Variants in KCNH1 observed in about 807,000 individuals in gnomAD.
KCNH1 encodes potassium voltage-gated channel subfamily H member 1.
KCNH1 carries 27 observed loss-of-function variants against 69.2 expected under a neutral mutation model. The observed-to-expected ratio is 0.39, with a 90% CI of 0.29 to 0.54. KCNH1 has a LOEUF of 0.54. KCNH1 is among the 20% of genes least tolerant of loss of function. The probability of loss-of-function intolerance (pLI) is 0.68; values close to 1 mark genes in which losing one functional copy is unlikely to be tolerated. For synonymous variants in KCNH1, 456 were observed against 487.7 expected, an observed-to-expected ratio of 0.93 and a Z score of 0.86; for missense variants, 798 against 1,261.6, an observed-to-expected ratio of 0.63 and a Z score of 5.57.
At chr1:211,048,534 A>G (rs933547740) in intron 5 of KCNH1, among the ~76,000 whole-genome samples, 1 of 152,166 alleles carries the variant, frequency 6.6e-6, no homozygotes, top group Non-Finnish European at 1.5e-5. Flanking sequence ...ACCAAATAAC[A>G]GCATTTGCAG....
At position 210,760,387 on chromosome 1, in the gene KCNH1, T is replaced by A. The variant is rs140637790; in HGVS notation, c.2112+14961A>T. ...CCAGCCAGAAGAGATTGGGGACCAT[T>A]TTTGGCATTCTTGAAAAGATAAGCC... On this transcript the variant is annotated intron_variant, in intron 10 of 10. Coordinates refer to ENST00000271751, the MANE Select transcript of KCNH1 (RefSeq NM_172362.3). 5.5e-3 allele frequency among the ~76,000 whole-genome samples: 843 copies of A among 152,298 alleles called. 28 individuals are homozygous for A. Among genetic ancestry groups the A allele is most frequent in the Admixed American group, 0.043 (655 of 15,294 alleles).
At chr1:211,059,279 CA>C (rs111505454) in intron 5 of KCNH1, among the ~76,000 whole-genome samples, 2,893 of 90,606 alleles carry the variant, frequency 0.032, 71 homozygotes, top group African/African-American at 0.099. Context: ...GACTCCATCT[CA>C]AAAAAAAAAA....
At chr1:210,960,983 ATAAC>A (rs1334440497) in intron 6 of KCNH1, among the ~76,000 whole-genome samples, 2 of 152,148 alleles carry the variant, frequency 1.3e-5, no homozygotes, top group African/African-American at 4.8e-5. Context: ...TCATTTCTTG[ATAAC>A]TAATTGATGC....
intron 10 of KCNH1, among the ~76,000 whole-genome samples, chr1:210,744,676 C>T (rs1683107539): frequency 6.6e-6 from 1 of 151,964 alleles, no homozygotes; most frequent in Admixed American, 6.6e-5. Context: ...AAAAAAAACC[C>T]CACAGGTTGT....
intron 10 of KCNH1, among the ~76,000 whole-genome samples, chr1:210,688,205 G>A (rs1371159076): frequency 2.6e-5 from 4 of 152,108 alleles, no homozygotes; most frequent in Non-Finnish European, 4.4e-5. Context: ...AAAGAACCCC[G>A]TCTGGAAAAC....
chr1:210,909,756 C>G (rs1687188267), intron 7 of KCNH1, among the ~76,000 whole-genome samples: 1 of 152,182 alleles, frequency 6.6e-6, no homozygotes, highest in Non-Finnish European at 1.5e-5. Context: ...ATAAATCGTC[C>G]TTGCTGTCTA....
intron 8 of KCNH1, among the ~76,000 whole-genome samples, chr1:210,801,801 T>C (rs551820294): frequency 9.2e-5 from 14 of 152,312 alleles, no homozygotes; most frequent in South Asian, 2.1e-4. Flanking sequence ...ATAGGCGTAG[T>C]TGGGGCAGGT....
intron 5 of KCNH1, among the ~76,000 whole-genome samples, chr1:211,035,956 C>A (rs1343632895): frequency 6.6e-6 from 1 of 152,200 alleles, no homozygotes; most frequent in Non-Finnish European, 1.5e-5. Context: ...CAGGTGACAG[C>A]ATTGCTCTGA....
intron 5 of KCNH1, among the ~76,000 whole-genome samples, chr1:211,082,210 A>C (rs1472669575): frequency 6.6e-6 from 1 of 152,346 alleles, no homozygotes; most frequent in South Asian, 2.1e-4. Context: ...GATTATATAA[A>C]GTGAAGAAAA....
chr1:211,061,682 A>C (rs529839945), intron 5 of KCNH1, among the ~76,000 whole-genome samples: 1 of 152,338 alleles, frequency 6.6e-6, no homozygotes, highest in African/African-American at 2.4e-5. Context: ...AGAGCAAACA[A>C]TCTGAAAAAG....
At chr1:210,988,094 A>G (rs934760966) in intron 6 of KCNH1, among the ~76,000 whole-genome samples, 2 of 152,226 alleles carry the variant, frequency 1.3e-5, no homozygotes, top group African/African-American at 4.8e-5. Context: ...GGTGCAGGAT[A>G]TAATCTCCTG....
In KCNH1 at chr1:210,683,566, A is replaced by G; in HGVS notation, c.2685T>C (p.Gly895=). The part of the protein sequence containing the change: ...TKSDLRLDNV[G]EARSPQDRSP... Reference sequence around the variant, plus strand: ...TCCGATCCTGGGGACTCCTGGCCTCACCCACGTTGTCCAGGCGCAAGTCGC... The same window carrying G: ...TCCGATCCTGGGGACTCCTGGCCTCGCCCACGTTGTCCAGGCGCAAGTCGC... The change falls in exon 11 of 11, where the codon GGT becomes GGC. Residue 895 remains glycine (G), a synonymous_variant. Transcript: ENST00000271751. The surrounding 1 kb of genome is among the most constrained non-coding windows in gnomAD (Gnocchi z 5.7). 6.2e-7 allele frequency: 1 copy of G among 1,613,932 alleles called. No homozygotes were observed. The highest frequency in any genetic ancestry group is 2.2e-5 in the East Asian group (1 of 44,848).
intron 6 of KCNH1, among the ~76,000 whole-genome samples, chr1:210,995,081 G>T (rs185121374): frequency 5.9e-5 from 9 of 152,024 alleles, no homozygotes; most frequent in Admixed American, 4.6e-4. Context: ...TTTTGGTGGG[G>T]CACCATCTAC....
At position 210,867,330 on chromosome 1, in the gene KCNH1, TACACACAC is replaced by T. The variant is rs57696942; in HGVS notation, c.1462+52302_1462+52309del. On this transcript the variant is annotated intron_variant, in intron 7 of 10. Coordinates refer to ENST00000271751, the MANE Select transcript of KCNH1 (RefSeq NM_172362.3). Reference sequence around the variant, plus strand: ...ACACATAGAATTATATGTATATGTTTACACACACACACACACACACACACACACACACA... The same window carrying T: ...ACACATAGAATTATATGTATATGTTTACACACACACACACACACACACACA... 2.7e-3 allele frequency among the ~76,000 whole-genome samples: 385 copies of T among 144,224 alleles called. 2 individuals are homozygous for T. Among genetic ancestry groups the T allele is most frequent in the African/African-American group, 9.1e-3 (354 of 38,692 alleles). The allele number at this position is 144,224 out of a possible 152,430, so 94.6% of individuals were successfully genotyped here.
In KCNH1 at chr1:210,684,049, G is replaced by T. The variant is rs1226108094; in HGVS notation, c.2202C>A (p.Asp734Glu). Residue 734 changes from aspartate to glutamate, a missense_variant, in exon 11 of 11, where the codon GAC becomes GAA. By Grantham distance (45) the Asp-to-Glu change is conservative. Coordinates refer to ENST00000271751, the MANE Select transcript of KCNH1 (RefSeq NM_172362.3). ...KNEAPLILPP[D>E]HPVRRLFQRF... ...TCTGGAAGAGGCGCCGGACAGGGTG[G>T]TCCGGGGGCAAGATCAGGGGGGCCT... 1 of 1,548,954 alleles carries T rather than the reference G, an allele frequency of 6.5e-7. No individual in the cohort carries two copies. The highest frequency in any genetic ancestry group is 2.3e-5 in the East Asian group (1 of 44,064).
intron 5 of KCNH1, among the ~76,000 whole-genome samples, chr1:211,069,275 T>G (rs2102456087): frequency 1.3e-5 from 1 of 74,182 alleles, no homozygotes; most frequent in Non-Finnish European, 2.8e-5. Context: ...CTATAGAACA[T>G]TCCTCCCCCA....
intron 7 of KCNH1, among the ~76,000 whole-genome samples, chr1:210,832,604 G>A (rs115374684): frequency 2.0e-5 from 3 of 151,778 alleles, no homozygotes; most frequent in African/African-American, 4.8e-5. Flanking sequence ...GATAACAAAA[G>A]GTAACCTCAA....
chr1:211,110,571 A>G (rs1475491159), intron 1 of KCNH1, among the ~76,000 whole-genome samples: 3 of 152,192 alleles, frequency 2.0e-5, no homozygotes, highest in African/African-American at 7.2e-5. Flanking sequence ...TAAAACCAAT[A>G]CATAATAAAG....
At chr1:210,841,621 G>A (rs1045753519) in intron 7 of KCNH1, among the ~76,000 whole-genome samples, 2 of 152,164 alleles carry the variant, frequency 1.3e-5, no homozygotes, top group East Asian at 3.8e-4. Flanking sequence ...AAAGTAACAG[G>A]CCCATGCAGA....
Sources: allele counts gnomAD v4.1 joint callset (sites outside exome capture counted in the v4.1 genomes callset), GRCh38; gene constraint gnomAD v4.1.1; non-coding constraint Gnocchi (gnomAD v3.1); transcripts MANE v1.5; gene names NCBI Gene and HGNC (gene_info 2026-07-23, HGNC 2026-07-21).